TENM4: variants seen among roughly 807,000 people sequenced by gnomAD.
TENM4 encodes the protein teneurin transmembrane protein 4.
In TENM4, 82 loss-of-function variants were observed where a neutral mutation model predicts 243.3. The ratio of observed to expected loss-of-function variants is 0.34; its 90% confidence interval spans 0.28 to 0.40. The LOEUF is 0.40. Ranked by LOEUF, TENM4 falls within the 10% of genes least tolerant of loss-of-function variation. TENM4 has a pLI of 1.00. For synonymous variants in TENM4, 1,412 were observed against 1,456.3 expected, an observed-to-expected ratio of 0.97 and a Z score of 0.69; for missense variants, 3,138 against 3,673.3, an observed-to-expected ratio of 0.85 and a Z score of 3.77.
chr11:79,139,765 ATATAAATATATAATATATAT>A, intron 4 of TENM4, among the ~76,000 whole-genome samples: 1 of 28,876 alleles, frequency 3.5e-5, no homozygotes, highest in Non-Finnish European at 8.6e-5. Flanking sequence ...TATTATATTT[ATATAAATATATAATATATAT>A]TATATTTATA....
At chr11:78,932,841 C>T (rs773492044) in intron 6 of TENM4, among the ~76,000 whole-genome samples, 3 of 152,196 alleles carry the variant, frequency 2.0e-5, no homozygotes, top group Non-Finnish European at 4.4e-5. Flanking sequence ...GAATCTAATG[C>T]CACTGCTGAT....
At chr11:79,279,057 C>A (rs1019597777) in intron 2 of TENM4, among the ~76,000 whole-genome samples, 1 of 152,130 alleles carries the variant, frequency 6.6e-6, no homozygotes, top group African/African-American at 2.4e-5. Flanking sequence ...CCTTTAGATG[C>A]CTGCAGAGTC....
intron 6 of TENM4, among the ~76,000 whole-genome samples, chr11:78,941,144 A>C (rs1236612927): frequency 6.6e-6 from 1 of 152,218 alleles, no homozygotes; most frequent in African/African-American, 2.4e-5. Flanking sequence ...CTAGCACCGG[A>C]TCCCCGTGGG....
rs1254746617 is a variant in TENM4, at chr11:79,252,493, T to A, written c.-264-36584A>T. Among the ~76,000 whole-genome samples the A allele has an allele frequency of 2.6e-5, 4 of 152,300 alleles. No homozygotes were observed. The East Asian group carries it at 7.7e-4, about 29-fold the overall frequency. On this transcript the variant is annotated intron_variant, in intron 2 of 33. Coordinates refer to ENST00000278550, the MANE Select transcript of TENM4 (RefSeq NM_001098816.3). Reference sequence around the variant, plus strand: ...ACCTCGTGATCCGCCCGCCTCGGCCTCCCAAAGTGCTGGGATTACAGGCGT... The same window carrying A: ...ACCTCGTGATCCGCCCGCCTCGGCCACCCAAAGTGCTGGGATTACAGGCGT...
At chr11:79,417,249 C>T (rs1858837002) in intron 1 of TENM4, among the ~76,000 whole-genome samples, 1 of 152,208 alleles carries the variant, frequency 6.6e-6, no homozygotes. Context: ...AGCCCAGAGA[C>T]TAAGTCCTGG....
chr11:79,420,105 T>A (rs1858899440), intron 1 of TENM4, among the ~76,000 whole-genome samples: 1 of 152,232 alleles, frequency 6.6e-6, no homozygotes, highest in Non-Finnish European at 1.5e-5. Flanking sequence ...AAAGCTTATC[T>A]TTGTCTTTTA....
At chr11:78,858,367 T>C (rs1333744860) in intron 10 of TENM4, among the ~76,000 whole-genome samples, 1 of 151,356 alleles carries the variant, frequency 6.6e-6, no homozygotes, top group African/African-American at 2.4e-5. Context: ...GTGTATATGC[T>C]GAAAAAAAAA....
intron 31 of TENM4, among the ~76,000 whole-genome samples, chr11:78,671,219 T>C (rs1858316444): frequency 6.6e-6 from 1 of 152,216 alleles, no homozygotes; most frequent in Admixed American, 6.5e-5. Flanking sequence ...AGTCTCCTTG[T>C]GTGGCCCTGG....
At chr11:79,301,048 T>C (rs1426616249) in intron 1 of TENM4, among the ~76,000 whole-genome samples, 1 of 152,184 alleles carries the variant, frequency 6.6e-6, no homozygotes, top group East Asian at 1.9e-4. Context: ...CATGCCCTCA[T>C]TCATGACACC....
chr11:78,887,720 T>C (rs1855577571), intron 9 of TENM4, among the ~76,000 whole-genome samples: 1 of 152,216 alleles, frequency 6.6e-6, no homozygotes, highest in African/African-American at 2.4e-5. Context: ...GTTGCCCCTA[T>C]CTTTAAATAG....
chr11:78,717,783 C>A (rs1859556074), intron 25 of TENM4, among the ~76,000 whole-genome samples: 2 of 152,172 alleles, frequency 1.3e-5, no homozygotes, highest in Admixed American at 6.5e-5. Context: ...ATTAAGGGCT[C>A]TGAGTTAATA....
At chr11:79,389,182 G>A (rs766634016) in intron 1 of TENM4, among the ~76,000 whole-genome samples, 10 of 152,118 alleles carry the variant, frequency 6.6e-5, no homozygotes, top group African/African-American at 1.9e-4. Context: ...GTTTGAGAAG[G>A]TCTCACTCCA....
intron 2 of TENM4, among the ~76,000 whole-genome samples, chr11:79,247,331 C>G (rs767111657): frequency 6.8e-6 from 1 of 147,080 alleles, no homozygotes; most frequent in African/African-American, 2.5e-5. Context: ...GCAGGAGAAT[C>G]GCTTGAATCT....
intron 19 of TENM4, among the ~76,000 whole-genome samples, chr11:78,739,539 A>T (rs1855875017): frequency 1.3e-5 from 2 of 152,186 alleles, no homozygotes; most frequent in South Asian, 4.1e-4. Context: ...CAGTGCCTGA[A>T]CTATGTCTAA....
At chr11:79,020,052 C>CCA in intron 6 of TENM4, among the ~76,000 whole-genome samples, 1 of 152,298 alleles carries the variant, frequency 6.6e-6, no homozygotes, top group South Asian at 2.1e-4. Context: ...TTTCTTATCC[C>CCA]CACAATCCCT....
rs2136012318 is a variant in TENM4 at position 78,777,980 on chromosome 11, A to C, written c.2392+622T>G. On this transcript the variant is annotated intron_variant, in intron 17 of 33. Transcript: ENST00000278550. ...TTTGCCTCTAGGGAACACTCTTCAAAGACAAAACTTACCAAAGTCAGGCCT... is the reference window on the plus strand; with the variant it reads ...TTTGCCTCTAGGGAACACTCTTCAACGACAAAACTTACCAAAGTCAGGCCT... Among the ~76,000 whole-genome samples, 3 of 152,316 alleles carry C rather than the reference A, an allele frequency of 2.0e-5. No individual in the cohort carries two copies. The South Asian group carries it at 6.2e-4, about 32-fold the overall frequency.
intron 13 of TENM4, among the ~76,000 whole-genome samples, chr11:78,813,522 C>T (rs965457070): frequency 2.6e-5 from 4 of 152,112 alleles, no homozygotes; most frequent in African/African-American, 9.7e-5. Flanking sequence ...CAGGACCAAT[C>T]CCTAAAAAGG....
chr11:79,031,801 G>T (rs969645050), intron 6 of TENM4, among the ~76,000 whole-genome samples: 1 of 152,172 alleles, frequency 6.6e-6, no homozygotes, highest in Non-Finnish European at 1.5e-5. Context: ...CTAGGGCATT[G>T]GTTCTTAACA....
intron 12 of TENM4, among the ~76,000 whole-genome samples, chr11:78,831,317 G>A (rs931320714): frequency 1.6e-4 from 24 of 152,212 alleles, no homozygotes; most frequent in African/African-American, 5.5e-4. Flanking sequence ...ACCAAGGTGG[G>A]ACCTAACTCC....
Sources: gnomAD v4.1 joint callset for allele counts (sites outside exome capture counted in the v4.1 genomes callset) on GRCh38, gnomAD v4.1.1 for gene constraint, MANE v1.5 for transcripts, NCBI Gene and HGNC (gene_info 2026-07-23, HGNC 2026-07-21) for gene names.